Variants in SZRD1 observed in about 807,000 individuals in gnomAD.
SZRD1 encodes SUZ RNA-binding domain-containing.
SZRD1 carries 7 observed loss-of-function variants against 17.6 expected under a neutral mutation model. That is an observed-to-expected ratio of 0.40 (90% CI 0.23 to 0.75). SZRD1 has a LOEUF of 0.75. Among genes scored for constraint, SZRD1 ranks in the 30% least tolerant of loss-of-function variants. SZRD1 has a pLI of 0.38. For synonymous variants in SZRD1, 77 were observed against 77.9 expected (o/e 0.99, Z 0.06); for missense variants, 178 against 201.8 (o/e 0.88, Z 0.71).
intron 1 of SZRD1, among the ~76,000 whole-genome samples, chr1:16,385,101 C>T (rs1011223708): frequency 6.6e-6 from 1 of 152,172 alleles, no homozygotes; most frequent in Non-Finnish European, 1.5e-5. Context: ...AAGCAAGGGT[C>T]CCTCTTAGAT....
At chr1:16,382,780 G>A (rs1274972476) in intron 1 of SZRD1, among the ~76,000 whole-genome samples, 1 of 151,864 alleles carries the variant, frequency 6.6e-6, no homozygotes, top group Non-Finnish European at 1.5e-5. Flanking sequence ...ACAGGCGTGA[G>A]CCACTGTGCC....
rs376042935 is a variant in SZRD1 at position 16,395,031 on chromosome 1, C to T, written c.357-7C>T. Reference sequence around the variant, plus strand: ...TTCAGGCCTTCCTCTGCTTTTCTTCCTTTCAGGCCAACCAGGATCTCCCAA... The same window carrying T: ...TTCAGGCCTTCCTCTGCTTTTCTTCTTTTCAGGCCAACCAGGATCTCCCAA... On this transcript the variant is annotated splice_polypyrimidine_tract_variant and splice_region_variant and intron_variant, in intron 3 of 3. Transcript: ENST00000401088. 5.6e-5 allele frequency: 89 copies of T among 1,579,596 alleles called. No homozygotes were observed. Among genetic ancestry groups the T allele is most frequent in the Non-Finnish European group, 6.6e-5 (76 of 1,150,250 alleles).
In SZRD1 at chr1:16,391,528, G is replaced by A; in HGVS notation, c.101+104G>A. 1.0e-6 allele frequency: 1 copy of A among 999,296 alleles called. No individual in the cohort carries two copies. Among genetic ancestry groups the A allele is most frequent in the Non-Finnish European group, 1.5e-6 (1 of 664,368 alleles). The allele number at this position is 999,296 out of a possible 1,614,324, so 61.9% of individuals were successfully genotyped here. A position where few individuals can be genotyped will look rare whatever the true frequency, so the allele number is the denominator to read the frequency against. On this transcript the variant is annotated intron_variant, in intron 2 of 3. Coordinates refer to ENST00000401088, the MANE Select transcript of SZRD1 (RefSeq NM_001114600.3). The surrounding 1 kb of genome is among the most constrained non-coding windows in gnomAD (Gnocchi z 4.3). ...CCATTAGGATTAGCAGGTCCTAGCAGGTCAGGCTCTGGGGCAGCAAACCCT... is the reference window on the plus strand; with the variant it reads ...CCATTAGGATTAGCAGGTCCTAGCAAGTCAGGCTCTGGGGCAGCAAACCCT...
chr1:16,383,160 T>TTTTC (rs1188830328), intron 1 of SZRD1, among the ~76,000 whole-genome samples: 14 of 151,904 alleles, frequency 9.2e-5, no homozygotes, highest in Admixed American at 4.6e-4. Flanking sequence ...TTTCTTTTTC[T>TTTTC]TTTCTTTCTT....
chr1:16,371,449 CTTTTTTTTTTTCCCCT>C (rs1165640039), intron 1 of SZRD1, among the ~76,000 whole-genome samples: 3 of 135,432 alleles, frequency 2.2e-5, no homozygotes, highest in South Asian at 2.4e-4. Context: ...CTTTTTTTTC[CTTTTTTTTTTTCCCCT>C]TTTTTTTTTT....
chr1:16,378,978 C>T (rs1340024458), intron 1 of SZRD1, among the ~76,000 whole-genome samples: 2 of 152,060 alleles, frequency 1.3e-5, no homozygotes, highest in African/African-American at 2.4e-5. Flanking sequence ...CCACCCGCCT[C>T]GGCCTCCCAA....
At chr1:16,382,189 G>T (rs1214873925) in intron 1 of SZRD1, among the ~76,000 whole-genome samples, 10 of 147,552 alleles carry the variant, frequency 6.8e-5, no homozygotes, top group East Asian at 4.0e-4. Context: ...GCATGGGTGG[G>T]TTTTTTTTTT....
intron 1 of SZRD1, among the ~76,000 whole-genome samples, chr1:16,370,320 G>T (rs547071882): frequency 6.6e-6 from 1 of 151,220 alleles, no homozygotes; most frequent in Non-Finnish European, 1.5e-5. Flanking sequence ...CTACCTCCCA[G>T]GTTCAAGCGA....
chr1:16,393,328 A>T lies in SZRD1; in HGVS notation c.202A>T (p.Ser68Cys). The T allele has an allele frequency of 6.2e-7, 1 of 1,614,216 alleles. No individual in the cohort carries two copies. The highest frequency in any genetic ancestry group is 8.5e-7 in the Non-Finnish European group (1 of 1,180,030). ...GATCCGCATCCTCAAGAGGCCCACC[A>T]GCAACGGTGTGGTCAGCAGCCCCAA... The part of the protein sequence containing the change: ...PQIRILKRPT[S>C]NGVVSSPNST... Residue 68 changes from serine to cysteine, a missense_variant, in exon 3 of 4, where the codon AGC (serine) becomes TGC (cysteine). By Grantham distance (112) the Ser-to-Cys change is moderately radical. Transcript: ENST00000401088. The surrounding 1 kb of genome is among the most constrained non-coding windows in gnomAD (Gnocchi z 5.6).
At position 16,393,482 on chromosome 1, in the gene SZRD1, G is replaced by C; in HGVS notation, c.356G>C (p.Arg119Thr). ...GAGCAGGAGAAACCCATCCTCGACA[G>C]GTGAGTGTGGCTGGCAGGGCCGGCC... Reference protein sequence around the residue: ...EEEQEKPILDRPTRISQPEDS... With the variant: ...EEEQEKPILDTPTRISQPEDS... Residue 119 changes from arginine (R) to threonine (T), a missense_variant and splice_region_variant, in exon 3 of 4, where the codon AGG (arginine) becomes ACG (threonine). Arg to Thr is a moderately conservative substitution (Grantham distance 71). Around this residue, in one of 3 missense-constraint regions of SZRD1, gnomAD observed 57 missense variants for 71.9 expected, o/e 0.79. Coordinates refer to ENST00000401088, the MANE Select transcript of SZRD1 (RefSeq NM_001114600.3). The surrounding 1 kb of genome is among the most constrained non-coding windows in gnomAD (Gnocchi z 5.6). 1 of 1,607,944 alleles carries C rather than the reference G, an allele frequency of 6.2e-7. No individual in the cohort carries two copies. Among genetic ancestry groups the C allele is most frequent in the Non-Finnish European group, 8.5e-7 (1 of 1,177,698 alleles).
At chr1:16,387,242 T>G in intron 1 of SZRD1, 1 of 452,900 alleles carries the variant, frequency 2.2e-6, no homozygotes, top group Non-Finnish European at 4.4e-6. Flanking sequence ...CTTGAAGCGC[T>G]TTTCTTCCAC....
At chr1:16,367,371 G>A in intron 1 of SZRD1, 63 bp downstream of exon 1, 1 of 1,470,838 alleles carries the variant, frequency 6.8e-7, no homozygotes, top group South Asian at 1.2e-5. Context: ...GGAGCCTCCG[G>A]GGAGCGGGTC....
chr1:16,382,722 T>C lies in SZRD1; in HGVS notation c.52-8653T>C, dbSNP rs542677048. Among the ~76,000 whole-genome samples, 10 of 152,266 alleles carry C rather than the reference T, an allele frequency of 6.6e-5. No individual in the cohort carries two copies. In the East Asian group the frequency reaches 1.7e-3, roughly 26 times the overall value. Reference sequence around the variant, plus strand: ...GTTGGCTATGCTGGTCTTAAACTCCTGACCTCAGGTGATCCGCCAGCCTCG... The same window carrying C: ...GTTGGCTATGCTGGTCTTAAACTCCCGACCTCAGGTGATCCGCCAGCCTCG... On this transcript the variant is annotated intron_variant, in intron 1 of 3. Transcript: ENST00000401088.
At chr1:16,386,751 T>C (rs552416634) in intron 1 of SZRD1, among the ~76,000 whole-genome samples, 9 of 152,134 alleles carry the variant, frequency 5.9e-5, no homozygotes, top group Non-Finnish European at 1.3e-4. Flanking sequence ...TGTAATCTTA[T>C]GGAAGAATCC....
intron 1 of SZRD1, among the ~76,000 whole-genome samples, chr1:16,377,047 C>A (rs958153328): frequency 6.6e-6 from 1 of 152,150 alleles, no homozygotes; most frequent in Admixed American, 6.6e-5. Context: ...CTCCTCTGCT[C>A]TCCCCTGCAA....
chr1:16,367,431 G>A, intron 1 of SZRD1, 123 bp downstream of exon 1: 2 of 901,918 alleles, frequency 2.2e-6, no homozygotes, highest in Non-Finnish European at 1.6e-6. Flanking sequence ...GCTGGGGGTG[G>A]TGGAGAGGCC....
At chr1:16,389,442 AC>A (rs1377681453) in intron 1 of SZRD1, among the ~76,000 whole-genome samples, 3 of 148,782 alleles carry the variant, frequency 2.0e-5, no homozygotes, top group African/African-American at 7.5e-5. Context: ...AGCTGGGACT[AC>A]AGGCGCCCGC....
At chr1:16,376,968 T>C (rs61770593) in intron 1 of SZRD1, among the ~76,000 whole-genome samples, 20,976 of 152,132 alleles carry the variant, frequency 0.14, 1,722 homozygotes, top group African/African-American at 0.22. Flanking sequence ...CCACTGCACC[T>C]AGCCGGCAGG....
chr1:16,386,064 A>G (rs1403217921), intron 1 of SZRD1, among the ~76,000 whole-genome samples: 1 of 152,220 alleles, frequency 6.6e-6, no homozygotes, highest in East Asian at 1.9e-4. Context: ...AGGTTTGGCA[A>G]CAGTAGATCT....
Sources: allele counts gnomAD v4.1 joint callset (sites outside exome capture counted in the v4.1 genomes callset), GRCh38; gene constraint gnomAD v4.1.1; regional missense constraint gnomAD v4.1.1; non-coding constraint Gnocchi (gnomAD v3.1); transcripts MANE v1.5; gene names NCBI Gene and HGNC (gene_info 2026-07-23, HGNC 2026-07-21).